Variants in CNNM2 observed in about 807,000 individuals in gnomAD.
CNNM2 encodes the protein cyclin and CBS domain divalent metal cation transport mediator 2, also known as metal transporter CNNM2.
CNNM2 carries 12 observed loss-of-function variants against 66.9 expected under a neutral mutation model. That is an observed-to-expected ratio of 0.18 (90% CI 0.11 to 0.29). The LOEUF is 0.29. Among genes scored for constraint, CNNM2 ranks in the 10% least tolerant of loss-of-function variants. The pLI is 1.00. For synonymous variants in CNNM2, 557 were observed against 501.8 expected (o/e 1.11, Z -1.47); for missense variants, 705 against 1,167.7 (o/e 0.60, Z 5.77).
intron 4 of CNNM2, among the ~76,000 whole-genome samples, chr10:103,066,381 C>T (rs769103226): frequency 1.3e-5 from 2 of 152,204 alleles, no homozygotes; most frequent in African/African-American, 4.8e-5. Context: ...TCCTGTCTCC[C>T]TGATGGCTTC....
At chr10:102,987,329 T>C (rs1170828903) in intron 1 of CNNM2, among the ~76,000 whole-genome samples, 1 of 152,092 alleles carries the variant, frequency 6.6e-6, no homozygotes, top group African/African-American at 2.4e-5. Context: ...ATTATTATTA[T>C]TATTATTTTG....
intron 6 of CNNM2, among the ~76,000 whole-genome samples, chr10:103,072,336 A>G (rs1171199745): frequency 2.6e-5 from 4 of 152,306 alleles, no homozygotes; most frequent in South Asian, 2.1e-4. Context: ...GGCGCACGAC[A>G]TTCTTGTATC....
intron 1 of CNNM2, among the ~76,000 whole-genome samples, chr10:103,026,555 C>T (rs762912482): frequency 1.5e-5 from 2 of 134,144 alleles, no homozygotes; most frequent in South Asian, 2.4e-4. Context: ...GAGCTGTGAT[C>T]GTGCCACTGC....
chr10:103,000,738 C>T (rs1341718844), intron 1 of CNNM2, among the ~76,000 whole-genome samples: 1 of 152,146 alleles, frequency 6.6e-6, no homozygotes, highest in Admixed American at 6.5e-5. Context: ...TACTACCATG[C>T]CCAGCTAATT....
chr10:103,072,796 C>T (rs1047743827), intron 6 of CNNM2, among the ~76,000 whole-genome samples: 1 of 152,194 alleles, frequency 6.6e-6, no homozygotes, highest in African/African-American at 2.4e-5. Flanking sequence ...GGCCACAAAA[C>T]CTGACCTGAA....
chr10:102,935,596 TAA>T (rs917538093), intron 1 of CNNM2, among the ~76,000 whole-genome samples: 5 of 146,634 alleles, frequency 3.4e-5, no homozygotes, highest in Non-Finnish European at 7.5e-5. Flanking sequence ...TATGGTCCTT[TAA>T]AAAAAAATTT....
intron 4 of CNNM2, among the ~76,000 whole-genome samples, chr10:103,067,166 A>G (rs1389947792): frequency 6.7e-6 from 1 of 149,190 alleles, no homozygotes; most frequent in Non-Finnish European, 1.5e-5. Context: ...TGGCGTGATC[A>G]TGGCTCACTG....
chr10:103,048,565 C>T (rs2065166511), intron 1 of CNNM2, among the ~76,000 whole-genome samples: 1 of 141,568 alleles, frequency 7.1e-6, no homozygotes, highest in Non-Finnish European at 1.6e-5. Flanking sequence ...TGGCAGTCCA[C>T]ACTGCCTATT....
rs138205450 is a variant in CNNM2 at position 102,983,914 on chromosome 10, G to A, written c.1621+63813G>A. Among the ~76,000 whole-genome samples the A allele has an allele frequency of 5.9e-3, 894 of 151,966 alleles. 8 individuals are homozygous for A. The highest frequency in any genetic ancestry group is 0.019 in the African/African-American group (805 of 41,454). The stretch of plus-strand genomic sequence containing the variant: ...CTGAGTAGCTGGGATTAAAGTGCCC[G>A]CCACCACGCCTGGCTAATTCTTGTA... On this transcript the variant is annotated intron_variant, in intron 1 of 7. Coordinates refer to ENST00000369878, the MANE Select transcript of CNNM2 (RefSeq NM_017649.5).
At chr10:102,925,546 C>G (rs2134159544) in intron 1 of CNNM2, among the ~76,000 whole-genome samples, 1 of 152,248 alleles carries the variant, frequency 6.6e-6, no homozygotes, top group Middle Eastern at 3.4e-3. Flanking sequence ...TTAGGGCCAC[C>G]TACCTAGCTA....
chr10:103,065,578 C>T (rs1214962364), intron 4 of CNNM2, among the ~76,000 whole-genome samples: 2 of 152,234 alleles, frequency 1.3e-5, no homozygotes, highest in Non-Finnish European at 2.9e-5. Flanking sequence ...GACCTGGCAT[C>T]TGTCTGCAGG....
At chr10:102,986,582 A>G (rs1396049860) in intron 1 of CNNM2, among the ~76,000 whole-genome samples, 1 of 151,764 alleles carries the variant, frequency 6.6e-6, no homozygotes, top group Admixed American at 6.6e-5. Flanking sequence ...AGAGATTGAG[A>G]CCATCCTGGC....
chr10:103,049,974 C>A, intron 2 of CNNM2, 124 bp downstream of exon 2: 2 of 845,304 alleles, frequency 2.4e-6, no homozygotes, highest in Non-Finnish European at 1.8e-6. Flanking sequence ...GTGTGTAGGC[C>A]GTGCACAACC....
chr10:102,919,143 C>G lies in CNNM2; in HGVS notation c.663C>G (p.Ala221=), dbSNP rs571735483. ...GGGGCAAGGGTGGCTCGGGGGTGGCCGGGCTCCCGCCGCCCCCGTGGGCCG... is the reference window on the plus strand; with the variant it reads ...GGGGCAAGGGTGGCTCGGGGGTGGCGGGGCTCCCGCCGCCCCCGTGGGCCG... ...AVGGKGGSGV[A]GLPPPPWAET... The change falls in exon 1 of 8, where the codon GCC becomes GCG. Residue 221 remains alanine, a synonymous_variant. Coordinates refer to ENST00000369878, the MANE Select transcript of CNNM2 (RefSeq NM_017649.5). 8.2e-5 allele frequency: 132 copies of G among 1,609,040 alleles called. 2 individuals are homozygous for G. The South Asian group carries it at 9.7e-4, about 12-fold the overall frequency.
In CNNM2 at chr10:103,045,593, C is replaced by A. The variant is rs147977778; in HGVS notation, c.1622-4114C>A. Among the ~76,000 whole-genome samples the A allele has an allele frequency of 6.2e-3, 947 of 151,828 alleles. 12 individuals are homozygous for A. Among genetic ancestry groups the A allele is most frequent in the African/African-American group, 0.022 (898 of 41,388 alleles). Reference sequence around the variant, plus strand: ...TATTTAAAGCTCTTGCACCCCACCCCCCGCCACCGCCACCAAGAAAACACT... The same window carrying A: ...TATTTAAAGCTCTTGCACCCCACCCACCGCCACCGCCACCAAGAAAACACT... On this transcript the variant is annotated intron_variant, in intron 1 of 7. Transcript: ENST00000369878.
chr10:103,068,572 A>T lies in CNNM2; in HGVS notation c.2074-57A>T, dbSNP rs541067447. On this transcript the variant is annotated intron_variant, in intron 4 of 7. Transcript: ENST00000369878. ...TAAGGAAGGACCAAATATTGTACAGAGTGTGCCAGTAGGCTTTTGCAACTG... is the reference window on the plus strand; with the variant it reads ...TAAGGAAGGACCAAATATTGTACAGTGTGTGCCAGTAGGCTTTTGCAACTG... 6.7e-6 allele frequency: 9 copies of T among 1,343,106 alleles called. No homozygotes were observed. In the South Asian group the frequency reaches 9.9e-5, roughly 15 times the overall value. 83.2% of individuals were successfully genotyped at this position (1,343,106 alleles called of 1,614,324 possible).
intron 1 of CNNM2, among the ~76,000 whole-genome samples, chr10:102,974,307 C>A (rs1394631721): frequency 2.0e-5 from 3 of 152,148 alleles, no homozygotes; most frequent in Non-Finnish European, 4.4e-5. Context: ...TGAACTCAGT[C>A]ATGTTTTTGT....
chr10:102,987,636 T>TG (rs1264319704), intron 1 of CNNM2, among the ~76,000 whole-genome samples: 1 of 151,942 alleles, frequency 6.6e-6, no homozygotes, highest in African/African-American at 2.4e-5. Flanking sequence ...TATTTTTATA[T>TG]GGATTTCATG....
intron 1 of CNNM2, among the ~76,000 whole-genome samples, chr10:103,012,588 C>G (rs921611843): frequency 2.0e-5 from 3 of 149,336 alleles, no homozygotes; most frequent in South Asian, 2.1e-4. Flanking sequence ...GCGAAGGTTG[C>G]AGTGAGCCGA....
Sources: allele counts gnomAD v4.1 joint callset (sites outside exome capture counted in the v4.1 genomes callset), GRCh38; gene constraint gnomAD v4.1.1; transcripts MANE v1.5; gene names NCBI Gene and HGNC (gene_info 2026-07-23, HGNC 2026-07-21).